The following SPON1 variants were observed in gnomAD, a reference collection of about 807,000 sequenced individuals.
The protein encoded by SPON1 is spondin 1, also known as spondin-1.
SPON1 carries 52 observed loss-of-function variants against 111.7 expected under a neutral mutation model. The observed-to-expected ratio is 0.47, with a 90% CI of 0.37 to 0.59. SPON1 has a LOEUF of 0.59. Among genes scored for constraint, SPON1 ranks in the 20% least tolerant of loss-of-function variants. The pLI is 0.00. For synonymous variants in SPON1, 410 were observed against 395.8 expected, an observed-to-expected ratio of 1.04 and a Z score of -0.43; for missense variants, 957 against 1,068.5, an observed-to-expected ratio of 0.90 and a Z score of 1.46.
intron 2 of SPON1, among the ~76,000 whole-genome samples, chr11:13,987,870 G>A (rs1017037008): frequency 2.0e-5 from 3 of 152,136 alleles, no homozygotes; most frequent in Admixed American, 6.5e-5. Flanking sequence ...GTAGTTGTGT[G>A]GTATTATTTC....
At chr11:14,053,936 G>A (rs781827054) in intron 3 of SPON1, among the ~76,000 whole-genome samples, 3 of 152,228 alleles carry the variant, frequency 2.0e-5, no homozygotes, top group Non-Finnish European at 2.9e-5. Context: ...CCTCAGTGCT[G>A]TGGAAGATGG....
chr11:13,971,825 C>T (rs560522203), intron 1 of SPON1, among the ~76,000 whole-genome samples: 2 of 152,236 alleles, frequency 1.3e-5, no homozygotes, highest in African/African-American at 4.8e-5. Flanking sequence ...CAACATTTCC[C>T]GCTTGGCAGT....
At chr11:14,007,943 T>A (rs1458348138) in intron 2 of SPON1, among the ~76,000 whole-genome samples, 2 of 152,162 alleles carry the variant, frequency 1.3e-5, no homozygotes, top group African/African-American at 4.8e-5. Context: ...TACATATGAT[T>A]GCATTTAAGG....
chr11:14,109,310 T>C (rs1366785944), intron 5 of SPON1, among the ~76,000 whole-genome samples: 4 of 152,158 alleles, frequency 2.6e-5, no homozygotes, highest in Non-Finnish European at 2.9e-5. Context: ...TACAGCTGCT[T>C]CAGGTTTCCC....
At chr11:14,233,001 GGCCATTATACCTTAGTCTGCTTT>G (rs1271797129) in intron 6 of SPON1, among the ~76,000 whole-genome samples, 2 of 151,894 alleles carry the variant, frequency 1.3e-5, no homozygotes, top group African/African-American at 4.8e-5. Context: ...CTATCTCTCT[GGCCATTATACCTTAGTCTGCTTT>G]GCTCTCCCCC....
At chr11:14,009,572 C>T (rs868908323) in intron 2 of SPON1, among the ~76,000 whole-genome samples, 31 of 152,156 alleles carry the variant, frequency 2.0e-4, no homozygotes, top group African/African-American at 7.2e-4. Context: ...TAGAAATTTC[C>T]CAGTAAGAAC....
chr11:14,207,325 A>T (rs1848528316), intron 6 of SPON1, among the ~76,000 whole-genome samples: 1 of 152,106 alleles, frequency 6.6e-6, no homozygotes, highest in African/African-American at 2.4e-5. Flanking sequence ...TTTCATGACA[A>T]AGAAGCCAAA....
At chr11:14,072,474 T>G (rs1188411492) in intron 3 of SPON1, among the ~76,000 whole-genome samples, 1 of 151,824 alleles carries the variant, frequency 6.6e-6, no homozygotes, top group African/African-American at 2.4e-5. Context: ...ATTCAGAGTA[T>G]TTATTACAGA....
chr11:14,115,749 G>A (rs1445304620), intron 5 of SPON1, among the ~76,000 whole-genome samples: 2 of 151,878 alleles, frequency 1.3e-5, no homozygotes, highest in East Asian at 1.9e-4. Context: ...TCATGTATAT[G>A]TCTTTTGATA....
At chr11:14,004,774 T>A (rs1322752835) in intron 2 of SPON1, among the ~76,000 whole-genome samples, 2 of 152,152 alleles carry the variant, frequency 1.3e-5, no homozygotes, top group African/African-American at 4.8e-5. Context: ...TTTTTGTTTG[T>A]TTGTTTTTTC....
chr11:14,160,548 T>TAC lies in SPON1; in HGVS notation c.825+24981_825+24982insCA, dbSNP rs1491329185. Among the ~76,000 whole-genome samples the TAC allele has an allele frequency of 6.2e-3, 138 of 22,414 alleles. 14 individuals are homozygous for TAC. The highest frequency in any genetic ancestry group is 7.5e-3 in the Non-Finnish European group (116 of 15,556). The allele number at this position is 22,414 out of a possible 152,430, so 14.7% of individuals were successfully genotyped here. ...ACATATATATATTTATATATATATT[T>TAC]ATATATATATTTATATATATATTTA... On this transcript the variant is annotated intron_variant, in intron 6 of 15. Transcript: ENST00000576479.
chr11:13,995,631 G>T lies in SPON1; in HGVS notation c.345+12678G>T, dbSNP rs180706545. ...ACATGGGGATTAAAATTTGAGATGA[G>T]ATTTGGGTAGGGACACAGAGCCAAA... On this transcript the variant is annotated intron_variant, in intron 2 of 15. Coordinates refer to ENST00000576479, the MANE Select transcript of SPON1 (RefSeq NM_006108.4). Among the ~76,000 whole-genome samples the T allele has an allele frequency of 1.4e-3, 214 of 152,218 alleles. 1 individual carries two copies. The highest frequency in any genetic ancestry group is 4.4e-3 in the African/African-American group (184 of 41,506).
rs80193277 is a variant in SPON1 at position 13,989,459 on chromosome 11, C to A, written c.345+6506C>A. 8.4e-3 allele frequency among the ~76,000 whole-genome samples: 1,285 copies of A among 152,186 alleles called. 46 individuals are homozygous for A. In the East Asian group the frequency reaches 0.1, roughly 12 times the overall value. ...CTCTTTTCTTTATTAGTCTGGCTAG[C>A]AGTCTATCTATTTTGTTGATCTTTT... is the stretch of plus-strand genomic sequence containing the variant. On this transcript the variant is annotated intron_variant, in intron 2 of 15. Coordinates refer to ENST00000576479, the MANE Select transcript of SPON1 (RefSeq NM_006108.4).
chr11:14,081,637 TTGTC>T (rs1180985842), intron 5 of SPON1, among the ~76,000 whole-genome samples: 1 of 152,060 alleles, frequency 6.6e-6, no homozygotes, highest in African/African-American at 2.4e-5. Context: ...TTTCTGTTCA[TTGTC>T]TGTTTTGTTC....
At chr11:14,049,674 A>G (rs1334330146) in intron 3 of SPON1, among the ~76,000 whole-genome samples, 4 of 152,190 alleles carry the variant, frequency 2.6e-5, no homozygotes, top group Non-Finnish European at 5.9e-5. Flanking sequence ...GGCACAGTCT[A>G]GGGAAAATCA....
chr11:13,979,231 A>T (rs1161360749), intron 1 of SPON1, among the ~76,000 whole-genome samples: 2 of 151,890 alleles, frequency 1.3e-5, no homozygotes, highest in Non-Finnish European at 2.9e-5. Flanking sequence ...CATGGCTCTA[A>T]TATCTGCCTC....
chr11:14,113,353 T>A (rs543709556), intron 5 of SPON1, among the ~76,000 whole-genome samples: 53 of 152,182 alleles, frequency 3.5e-4, no homozygotes, highest in African/African-American at 1.3e-3. Context: ...CAAAGGGGAA[T>A]TTTTCATCCT....
intron 6 of SPON1, among the ~76,000 whole-genome samples, chr11:14,222,238 G>A (rs1430502737): frequency 1.3e-5 from 2 of 152,116 alleles, no homozygotes; most frequent in East Asian, 1.9e-4. Context: ...CCATTAACCA[G>A]GTCTCATCAA....
intron 5 of SPON1, among the ~76,000 whole-genome samples, chr11:14,085,696 T>C (rs1849000812): frequency 6.6e-6 from 1 of 152,218 alleles, no homozygotes; most frequent in Admixed American, 6.5e-5. Context: ...AACTCAATGG[T>C]AGCTTGATGG....
Sources: allele counts gnomAD v4.1 joint callset (sites outside exome capture counted in the v4.1 genomes callset), GRCh38; gene constraint gnomAD v4.1.1; transcripts MANE v1.5; gene names NCBI Gene and HGNC (gene_info 2026-07-23, HGNC 2026-07-21).